The following CCDC167 variants were observed in gnomAD, a reference collection of about 807,000 sequenced individuals.
The protein encoded by CCDC167 is coiled-coil domain containing 167, also known as coiled-coil domain-containing protein 167.
Under a neutral mutation model 12.7 loss-of-function variants are expected in CCDC167, and 15 were observed. That is an observed-to-expected ratio of 1.18 (90% CI 0.79 to 1.81). The LOEUF (loss-of-function observed/expected upper bound fraction) is 1.81. Ranked by LOEUF, CCDC167 falls within the 40% of genes most tolerant of loss-of-function variation. The probability of loss-of-function intolerance (pLI) is 0.00; values close to 1 mark genes in which losing one functional copy is unlikely to be tolerated. For missense variants in CCDC167, 121 were observed against 120.1 expected, an observed-to-expected ratio of 1.01 and a Z score of -0.03; for synonymous variants, 52 against 49.0, an observed-to-expected ratio of 1.06 and a Z score of -0.26.
At chr6:37,493,147 A>C (rs1240793388) in intron 1 of CCDC167, among the ~76,000 whole-genome samples, 1 of 152,196 alleles carries the variant, frequency 6.6e-6, no homozygotes, top group African/African-American at 2.4e-5. Context: ...ACACACCCCC[A>C]TGCCAGGTCA....
rs773457760 is a variant in CCDC167, at chr6:37,485,141, C to T, written c.96G>A (p.Val32=). Reference sequence around the variant, plus strand: ...GCTCCCGGCTGTGGAGTCTGGAGTTCACGGCCTCCAGGTCTCTCCGACACT... The same window carrying T: ...GCTCCCGGCTGTGGAGTCTGGAGTTTACGGCCTCCAGGTCTCTCCGACACT... The part of the protein sequence containing the change: ...LSQCRRDLEA[V]NSRLHSRELS... Residue 32 remains valine, a synonymous_variant, in exon 2 of 4, where the codon GTG becomes GTA. Coordinates refer to ENST00000373408, the MANE Select transcript of CCDC167 (RefSeq NM_138493.3). The T allele has an allele frequency of 1.2e-6, 2 of 1,613,594 alleles. No homozygotes were observed.
intron 1 of CCDC167, among the ~76,000 whole-genome samples, chr6:37,491,933 A>G (rs995418099): frequency 6.6e-6 from 1 of 152,128 alleles, no homozygotes; most frequent in Non-Finnish European, 1.5e-5. Flanking sequence ...TGTGCCCTTA[A>G]CCACCATGCC....
rs371141648 is a variant in CCDC167 at position 37,489,985 on chromosome 6, T to A, written c.43-4791A>T. Among the ~76,000 whole-genome samples, 11 of 152,276 alleles carry A rather than the reference T, an allele frequency of 7.2e-5. No individual in the cohort carries two copies. The South Asian group carries it at 8.3e-4, about 11-fold the overall frequency. ...GTACAATAACATTAAGAACCACCCG[T>A]GCATTATATTTACACTCAGAAAACC... On this transcript the variant is annotated intron_variant, in intron 1 of 3. Transcript: ENST00000373408.
intron 3 of CCDC167, among the ~76,000 whole-genome samples, chr6:37,484,045 G>C (rs1468566599): frequency 1.9e-4 from 29 of 152,250 alleles, no homozygotes; most frequent in Non-Finnish European, 8.8e-5. Flanking sequence ...CTGCAGAGCT[G>C]CTCTGGGCAG....
intron 1 of CCDC167, among the ~76,000 whole-genome samples, chr6:37,486,588 A>G (rs1025936555): frequency 6.6e-6 from 1 of 152,060 alleles, no homozygotes; most frequent in African/African-American, 2.4e-5. Context: ...CAGCCCCACC[A>G]TGGCCACCTC....
intron 1 of CCDC167, among the ~76,000 whole-genome samples, chr6:37,495,103 A>G (rs1561800142): frequency 6.6e-6 from 1 of 152,032 alleles, no homozygotes; most frequent in Non-Finnish European, 1.5e-5. Flanking sequence ...CCTGGCCCCT[A>G]CAAATTTCTA....
At chr6:37,483,355 T>C (rs1292011450) in intron 3 of CCDC167, 66 bp from the exon 4 acceptor site, 2 of 1,069,288 alleles carry the variant, frequency 1.9e-6, no homozygotes, top group African/African-American at 1.6e-5. Context: ...GCTCTGCCTC[T>C]CCAACGAGTG....
intron 3 of CCDC167, 103 bp from the exon 4 acceptor site, chr6:37,483,392 C>T: frequency 1.3e-6 from 1 of 753,186 alleles, no homozygotes; most frequent in Non-Finnish European, 2.4e-6. Flanking sequence ...GGCAAAGACG[C>T]ACCCTTCCAG....
At chr6:37,488,963 C>A (rs557698543) in intron 1 of CCDC167, among the ~76,000 whole-genome samples, 1 of 151,348 alleles carries the variant, frequency 6.6e-6, no homozygotes, top group South Asian at 2.1e-4. Flanking sequence ...TGTGGCTGGG[C>A]ATGGTGGCTC....
chr6:37,485,230 G>T, intron 1 of CCDC167, 36 bp from the exon 2 acceptor site: 2 of 1,518,194 alleles, frequency 1.3e-6, no homozygotes, highest in Non-Finnish European at 1.8e-6. Context: ...GGCTGCCGAG[G>T]CTTCTAGCTC....
intron 3 of CCDC167, among the ~76,000 whole-genome samples, chr6:37,484,383 G>C (rs943439861): frequency 1.3e-5 from 2 of 150,742 alleles, no homozygotes; most frequent in Non-Finnish European, 3.0e-5. Flanking sequence ...TGGCGGCATC[G>C]CTCCACCCAC....
chr6:37,496,975 C>T (rs928702887), intron 1 of CCDC167, among the ~76,000 whole-genome samples: 2 of 152,154 alleles, frequency 1.3e-5, no homozygotes, highest in South Asian at 2.1e-4. Context: ...GGGTATGCCC[C>T]GGTTCCACTG....
At chr6:37,493,296 G>A (rs902236727) in intron 1 of CCDC167, among the ~76,000 whole-genome samples, 1 of 152,238 alleles carries the variant, frequency 6.6e-6, no homozygotes, top group Non-Finnish European at 1.5e-5. Context: ...CCGGAAGGTG[G>A]TGTGGGGTTT....
chr6:37,499,821 C>A lies in CCDC167; in HGVS notation c.42+1G>T. On this transcript the variant is annotated splice_donor_variant, in intron 1 of 3. Transcript: ENST00000373408. LOFTEE classifies it high-confidence loss of function. Reference sequence around the variant, plus strand: ...GGCCCAACCCCCACTTTTCCCCTCACCTCTAGAGCGACGCCCAGATTCTCC... The same window carrying A: ...GGCCCAACCCCCACTTTTCCCCTCAACTCTAGAGCGACGCCCAGATTCTCC... 1 of 1,614,178 alleles carries A rather than the reference C, an allele frequency of 6.2e-7. No individual in the cohort carries two copies. Among genetic ancestry groups the A allele is most frequent in the South Asian group, 1.1e-5 (1 of 91,084 alleles).
intron 1 of CCDC167, among the ~76,000 whole-genome samples, chr6:37,488,560 T>C (rs1156757898): frequency 6.6e-6 from 1 of 152,018 alleles, no homozygotes; most frequent in African/African-American, 2.4e-5. Context: ...ATTCTAGAAG[T>C]GTAAGGGCCA....
Position 37,483,029 on chromosome 6 carries a change from G to C in CCDC167, c.*157C>G, listed in dbSNP as rs1761886753. 1 of 710,340 alleles carries C rather than the reference G, an allele frequency of 1.4e-6. No homozygotes were observed. Among genetic ancestry groups the C allele is most frequent in the African/African-American group, 1.8e-5 (1 of 57,012 alleles). 44.0% of individuals were successfully genotyped at this position (710,340 alleles called of 1,614,324 possible). A position where few individuals can be genotyped will look rare whatever the true frequency, so the allele number is the denominator to read the frequency against. ...AGACCCGGAACCCCCCAGCAGGCCA[G>C]GGAGGCAAGGCCTGGGCCGCCAGGA... is the stretch of plus-strand genomic sequence containing the variant. On this transcript the variant is annotated 3_prime_UTR_variant, in exon 4 of 4. Transcript: ENST00000373408.
chr6:37,497,387 G>A (rs1225778478), intron 1 of CCDC167, among the ~76,000 whole-genome samples: 1 of 152,130 alleles, frequency 6.6e-6, no homozygotes, highest in Admixed American at 6.5e-5. Context: ...ATTAACACTG[G>A]ACTCACAACC....
intron 1 of CCDC167, among the ~76,000 whole-genome samples, chr6:37,486,481 C>T (rs566729243): frequency 4.9e-4 from 74 of 152,310 alleles, no homozygotes; most frequent in African/African-American, 1.6e-3. Flanking sequence ...CTGTCTCTCT[C>T]CACGGCCAAC....
intron 1 of CCDC167, among the ~76,000 whole-genome samples, chr6:37,491,685 A>G (rs975027134): frequency 1.3e-5 from 2 of 152,198 alleles, no homozygotes; most frequent in African/African-American, 2.4e-5. Flanking sequence ...CTGGAAACCA[A>G]AAGTCCCAGC....
Sources: gnomAD v4.1 joint callset for allele counts (sites outside exome capture counted in the v4.1 genomes callset) on GRCh38, gnomAD v4.1.1 for gene constraint, MANE v1.5 for transcripts, NCBI Gene and HGNC (gene_info 2026-07-23, HGNC 2026-07-21) for gene names.